The following CFAP20DC variants were observed in gnomAD, a reference collection of about 807,000 sequenced individuals.
CFAP20DC encodes CFAP20 domain containing.
CFAP20DC carries 84 observed loss-of-function variants against 101.7 expected under a neutral mutation model. The observed-to-expected ratio is 0.83, with a 90% CI of 0.69 to 0.99. The LOEUF (loss-of-function observed/expected upper bound fraction) is 0.99, where lower values mean the gene tolerates loss of function less well. CFAP20DC is among the 50% of genes least tolerant of loss of function. The pLI, the probability that CFAP20DC is intolerant of heterozygous loss-of-function variation, is 0.00. For synonymous variants in CFAP20DC, 359 were observed against 351.2 expected (o/e 1.02, Z -0.25); for missense variants, 1,007 against 970.3 (o/e 1.04, Z -0.50).
At chr3:59,024,163 C>T (rs887327184) in intron 4 of CFAP20DC, among the ~76,000 whole-genome samples, 4 of 152,062 alleles carry the variant, frequency 2.6e-5, no homozygotes, top group African/African-American at 7.2e-5. Context: ...AAGAAGTATA[C>T]CACAGAACAA....
chr3:59,042,180 T>C lies in CFAP20DC; in HGVS notation c.206-2551A>G, dbSNP rs144489316. Among the ~76,000 whole-genome samples, 56 of 152,010 alleles carry C rather than the reference T, an allele frequency of 3.7e-4. 1 individual carries two copies. The highest frequency in any genetic ancestry group is 1.4e-3 in the African/African-American group (56 of 41,480). ...GGGTGTAGGAGAGAGGAACAAACGT[T>C]GCTGGCAGAGGGAGTACTCCATCCT... is the stretch of plus-strand genomic sequence containing the variant. On this transcript the variant is annotated intron_variant, in intron 3 of 16. Transcript: ENST00000482387.
chr3:58,929,994 C>T (rs2086416710), intron 5 of CFAP20DC, among the ~76,000 whole-genome samples: 1 of 152,080 alleles, frequency 6.6e-6, no homozygotes, highest in Non-Finnish European at 1.5e-5. Context: ...TGTTCTCTTC[C>T]AGGAGCACTA....
intron 4 of CFAP20DC, among the ~76,000 whole-genome samples, chr3:58,997,442 G>A (rs999383104): frequency 4.6e-5 from 7 of 152,070 alleles, no homozygotes; most frequent in East Asian, 1.9e-4. Context: ...AAACAATGTC[G>A]CCATTTAAGA....
At chr3:58,906,787 G>T (rs891500491) in intron 6 of CFAP20DC, among the ~76,000 whole-genome samples, 2 of 152,034 alleles carry the variant, frequency 1.3e-5, no homozygotes, top group East Asian at 1.9e-4. Context: ...AAATTAGCTA[G>T]GCAGGTGGTA....
At chr3:58,817,957 C>G (rs2075324292) in intron 14 of CFAP20DC, among the ~76,000 whole-genome samples, 1 of 150,382 alleles carries the variant, frequency 6.6e-6, no homozygotes, top group African/African-American at 2.5e-5. Context: ...AGAAACTCTA[C>G]AAGCCAGAAG....
chr3:58,758,735 T>C (rs936489528), intron 15 of CFAP20DC, among the ~76,000 whole-genome samples: 1 of 152,074 alleles, frequency 6.6e-6, no homozygotes, highest in African/African-American at 2.4e-5. Flanking sequence ...TCCCTTCCTG[T>C]GTCCGTGTGT....
At chr3:58,850,444 T>C (rs2078119250) in intron 12 of CFAP20DC, among the ~76,000 whole-genome samples, 1 of 151,828 alleles carries the variant, frequency 6.6e-6, no homozygotes, top group East Asian at 1.9e-4. Context: ...CAAAATTATC[T>C]GGGCGTGGTG....
chr3:58,716,249 C>T (rs2067397472), downstream of CFAP20DC, among the ~76,000 whole-genome samples: 1 of 144,262 alleles, frequency 6.9e-6, no homozygotes, highest in Admixed American at 7.3e-5. Context: ...GCAAGCTCCG[C>T]TTCCCGGGTT....
chr3:58,862,295 G>C (rs558496556), intron 12 of CFAP20DC: 186 of 985,158 alleles, frequency 1.9e-4, no homozygotes, highest in Non-Finnish European at 2.1e-4. Flanking sequence ...ACCATGGAAG[G>C]ATTATCAGCT....
chr3:58,893,070 G>A (rs1182769479), intron 6 of CFAP20DC, among the ~76,000 whole-genome samples: 2 of 147,982 alleles, frequency 1.4e-5, no homozygotes, highest in African/African-American at 5.0e-5. Context: ...TTGAGATGGA[G>A]TCTCGCTCAG....
chr3:58,938,416 A>G (rs1182217313), intron 4 of CFAP20DC, among the ~76,000 whole-genome samples: 1 of 152,170 alleles, frequency 6.6e-6, no homozygotes, highest in Non-Finnish European at 1.5e-5. Flanking sequence ...GCTCATTTTT[A>G]TGTTCTCCTT....
chr3:58,931,447 C>A (rs1487004666), intron 5 of CFAP20DC, among the ~76,000 whole-genome samples: 2 of 152,230 alleles, frequency 1.3e-5, no homozygotes, highest in South Asian at 2.1e-4. Flanking sequence ...AGCTGGAGAT[C>A]TAAGAACGGG....
intron 13 of CFAP20DC, among the ~76,000 whole-genome samples, chr3:58,846,563 C>T (rs1438068610): frequency 6.7e-6 from 1 of 149,344 alleles, no homozygotes; most frequent in Non-Finnish European, 1.5e-5. Context: ...TAGGAAGAAT[C>T]AATATCGTGA....
At chr3:58,743,145 G>C (rs1180823127) in intron 16 of CFAP20DC, among the ~76,000 whole-genome samples, 1 of 152,168 alleles carries the variant, frequency 6.6e-6, no homozygotes, top group Non-Finnish European at 1.5e-5. Flanking sequence ...AGTCTGCTCA[G>C]TGTTTTGGGG....
chr3:58,758,691 C>T (rs2069204309), intron 15 of CFAP20DC, among the ~76,000 whole-genome samples: 1 of 152,108 alleles, frequency 6.6e-6, no homozygotes, highest in South Asian at 2.1e-4. Context: ...CTCCCCCTTC[C>T]CCTCACCCAC....
rs1421396409 is a variant in CFAP20DC at position 58,728,355 on chromosome 3, C to A, written c.198-10727G>T. 6.6e-6 allele frequency among the ~76,000 whole-genome samples: 1 copy of A among 152,186 alleles called. No homozygotes were observed. Among genetic ancestry groups the A allele is most frequent in the Non-Finnish European group, 1.5e-5 (1 of 68,044 alleles). On this transcript the variant is annotated intron_variant, in intron 3 of 3. Transcript: ENST00000486145. The surrounding 1 kb of genome is among the most constrained non-coding windows in gnomAD (Gnocchi z 4.7). ...GTCCTCATATTAGAGAAATAGCTGG[C>A]TAAATGAATAGATTCCTGAAAGTTG...
At position 58,903,450 on chromosome 3, in the gene CFAP20DC, G is replaced by C. The variant is rs536059849; in HGVS notation, c.550+10258C>G. Among the ~76,000 whole-genome samples the C allele has an allele frequency of 1.6e-4, 24 of 152,198 alleles. No homozygotes were observed. In the South Asian group the frequency reaches 4.8e-3, roughly 30 times the overall value. On this transcript the variant is annotated intron_variant, in intron 6 of 16. Transcript: ENST00000482387. ...CTTTTTGAAATCAAATGTATGGTTT[G>C]TGTATTAGTTCCTTCTCAGGCTGCT... is the stretch of plus-strand genomic sequence containing the variant.
At chr3:59,049,016 G>T (rs1700101891) in intron 1 of CFAP20DC, among the ~76,000 whole-genome samples, 1 of 152,154 alleles carries the variant, frequency 6.6e-6, no homozygotes, top group Admixed American at 6.5e-5. Flanking sequence ...TTAATCAAGT[G>T]ACCCCCATCC....
chr3:58,845,383 A>G (rs1428936264), intron 13 of CFAP20DC, among the ~76,000 whole-genome samples: 1 of 152,168 alleles, frequency 6.6e-6, no homozygotes, highest in Non-Finnish European at 1.5e-5. Context: ...TACTACAAAC[A>G]ACTCTACGCA....
Sources: gnomAD v4.1 joint callset for allele counts (sites outside exome capture counted in the v4.1 genomes callset) on GRCh38, gnomAD v4.1.1 for gene constraint, Gnocchi (gnomAD v3.1) non-coding constraint, MANE v1.5 for transcripts, NCBI Gene and HGNC (gene_info 2026-07-23, HGNC 2026-07-21) for gene names.